The following RAD17 variants were observed in gnomAD, a reference collection of about 807,000 sequenced individuals.
RAD17 encodes the protein cell cycle checkpoint protein RAD17.
A neutral mutation model predicts 81.5 loss-of-function variants in RAD17; 31 were observed. The ratio of observed to expected loss-of-function variants is 0.38; its 90% confidence interval spans 0.29 to 0.51. The LOEUF is 0.51. Among genes scored for constraint, RAD17 ranks in the 20% least tolerant of loss-of-function variants. The pLI, the probability that RAD17 is intolerant of heterozygous loss-of-function variation, is 0.88. For synonymous variants in RAD17, 261 were observed against 266.2 expected (o/e 0.98, Z 0.19); for missense variants, 681 against 781.2 (o/e 0.87, Z 1.53).
rs554965428 is a variant in RAD17, at chr5:69,404,543, G to A, written c.1693+4374G>A. On this transcript the variant is annotated intron_variant, in intron 17 of 18. Coordinates refer to ENST00000354868, the MANE Select transcript of RAD17 (RefSeq NM_133338.3). Reference sequence around the variant, plus strand: ...AGCACTTTGGTTGGCCGAGGTGGGTGGATCGCCTGAGGTCAGGAGATCGAG... The same window carrying A: ...AGCACTTTGGTTGGCCGAGGTGGGTAGATCGCCTGAGGTCAGGAGATCGAG... Among the ~76,000 whole-genome samples the A allele has an allele frequency of 1.7e-4, 26 of 152,178 alleles. No homozygotes were observed. In the East Asian group the frequency reaches 5.0e-3, roughly 29 times the overall value.
intron 8 of RAD17, among the ~76,000 whole-genome samples, chr5:69,385,228 G>C (rs992832940): frequency 6.6e-6 from 1 of 151,010 alleles, no homozygotes; most frequent in African/African-American, 2.4e-5. Flanking sequence ...CCAAAGTGCT[G>C]GGATTACAGG....
chr5:69,390,009 T>C (rs935847181), intron 12 of RAD17, among the ~76,000 whole-genome samples: 7 of 152,218 alleles, frequency 4.6e-5, no homozygotes, highest in African/African-American at 1.7e-4. Context: ...AAAGTATAAA[T>C]TTATGAGATA....
chr5:69,400,205 A>C (rs1765172614), intron 17 of RAD17, 36 bp downstream of exon 17: 1 of 577,168 alleles, frequency 1.7e-6, no homozygotes, highest in Non-Finnish European at 2.7e-6. Context: ...TTTAAGAAGT[A>C]GGGTTTATTT....
In RAD17 at chr5:69,399,347, A is replaced by G. The variant is rs77159303; in HGVS notation, c.1573-702A>G. 9.6e-4 allele frequency among the ~76,000 whole-genome samples: 146 copies of G among 152,288 alleles called. 6 individuals are homozygous for G. In the East Asian group the frequency reaches 0.027, roughly 28 times the overall value. On this transcript the variant is annotated intron_variant, in intron 16 of 18. Coordinates refer to ENST00000354868, the MANE Select transcript of RAD17 (RefSeq NM_133338.3). ...GTAGCATCTGCCCCTTTGAGATGAG[A>G]GTAGTAGGCACCACTGTCCCCAGCT... is the stretch of plus-strand genomic sequence containing the variant.
intron 1 of RAD17, chr5:69,370,817 A>C (rs1762918220): frequency 5.5e-6 from 1 of 180,430 alleles, no homozygotes; most frequent in Admixed American, 5.9e-5. Context: ...GTGTGCCTCC[A>C]AACTGTAAAG....
At chr5:69,384,954 CTTTTTT>C in intron 8 of RAD17, 21 bp downstream of exon 8, 6 of 1,278,206 alleles carry the variant, frequency 4.7e-6, no homozygotes, top group East Asian at 2.9e-5. Flanking sequence ...CTTTTAAAAT[CTTTTTT>C]TTTTTTTTTT....
At chr5:69,372,344 A>G in intron 4 of RAD17, 127 bp downstream of exon 4, 3 of 847,884 alleles carry the variant, frequency 3.5e-6, no homozygotes, top group South Asian at 1.7e-5. Context: ...ATAAGCCCCA[A>G]ATTGTCTCCC....
At chr5:69,411,332 A>G (rs903389532) in intron 18 of RAD17, among the ~76,000 whole-genome samples, 3 of 151,940 alleles carry the variant, frequency 2.0e-5, no homozygotes, top group African/African-American at 7.3e-5. Context: ...AATCGCTTCA[A>G]CCCAGGAGGT....
intron 6 of RAD17, among the ~76,000 whole-genome samples, chr5:69,380,927 A>G (rs1289407538): frequency 6.6e-6 from 1 of 151,660 alleles, no homozygotes; most frequent in Non-Finnish European, 1.5e-5. Context: ...CACCATGCCC[A>G]GCTAATTTTT....
chr5:69,410,912 CT>C (rs1188842702), intron 18 of RAD17, among the ~76,000 whole-genome samples: 2 of 135,672 alleles, frequency 1.5e-5, no homozygotes, highest in African/African-American at 5.6e-5. Flanking sequence ...TAGAAGAGTC[CT>C]TCATATTTTC....
intron 11 of RAD17, 55 bp from the exon 12 acceptor site, chr5:69,388,979 G>T: frequency 2.2e-6 from 2 of 922,726 alleles, no homozygotes; most frequent in Non-Finnish European, 3.0e-6. Flanking sequence ...GGGGTTTTTT[G>T]TTGTTGTTAT....
intron 18 of RAD17, among the ~76,000 whole-genome samples, chr5:69,412,106 G>A (rs1273252401): frequency 1.3e-5 from 2 of 152,114 alleles, no homozygotes; most frequent in East Asian, 1.9e-4. Flanking sequence ...ACAGGCGCCC[G>A]CCACCACGCC....
chr5:69,390,486 A>AG (rs1370117055), intron 12 of RAD17, among the ~76,000 whole-genome samples: 1 of 151,864 alleles, frequency 6.6e-6, no homozygotes, highest in Non-Finnish European at 1.5e-5. Flanking sequence ...AGGAAAAAAA[A>AG]TAAAAACCCA....
At chr5:69,389,825 A>C (rs1161459069) in intron 12 of RAD17, among the ~76,000 whole-genome samples, 1 of 152,014 alleles carries the variant, frequency 6.6e-6, no homozygotes, top group African/African-American at 2.4e-5. Flanking sequence ...TTTAATAGAG[A>C]TGGGGTTTCA....
At chr5:69,385,421 C>T (rs995277206) in intron 8 of RAD17, among the ~76,000 whole-genome samples, 10 of 151,894 alleles carry the variant, frequency 6.6e-5, no homozygotes, top group African/African-American at 2.4e-4. Context: ...CAGGAACCTG[C>T]CACCATGCCG....
At chr5:69,382,173 G>A in intron 7 of RAD17, 116 bp downstream of exon 7, 2 of 1,197,678 alleles carry the variant, frequency 1.7e-6, no homozygotes, top group Middle Eastern at 1.9e-4. Flanking sequence ...CAGAGGGATG[G>A]AATTTCACAG....
chr5:69,392,898 A>G (rs1275411922), intron 13 of RAD17: 6 of 487,190 alleles, frequency 1.2e-5, no homozygotes, highest in Admixed American at 9.3e-5. Flanking sequence ...AAAAGGTGAA[A>G]TGGGAGTGCA....
At chr5:69,399,275 G>T (rs1414465832) in intron 16 of RAD17, among the ~76,000 whole-genome samples, 1 of 151,976 alleles carries the variant, frequency 6.6e-6, no homozygotes, top group South Asian at 2.1e-4. Context: ...TGAAAGTGAA[G>T]TATAACACTG....
At chr5:69,412,903 C>T (rs372497220) in intron 18 of RAD17, among the ~76,000 whole-genome samples, 3 of 151,436 alleles carry the variant, frequency 2.0e-5, no homozygotes, top group African/African-American at 7.3e-5. Flanking sequence ...ACAGGAGAAT[C>T]GCTTGAACCT....
Sources: gnomAD v4.1 joint callset for allele counts (sites outside exome capture counted in the v4.1 genomes callset) on GRCh38, gnomAD v4.1.1 for gene constraint, MANE v1.5 for transcripts, NCBI Gene and HGNC (gene_info 2026-07-23, HGNC 2026-07-21) for gene names.